Variants in NTRK3 observed in about 807,000 individuals in gnomAD.
The protein encoded by NTRK3 is NT-3 growth factor receptor.
In NTRK3, 24 loss-of-function variants were observed where a neutral mutation model predicts 91.7. That is an observed-to-expected ratio of 0.26 (90% confidence interval 0.19 to 0.37). The LOEUF is 0.37. NTRK3 is among the 10% of genes least tolerant of loss of function. The pLI is 1.00. For synonymous variants in NTRK3, 483 were observed against 404.0 expected (o/e 1.20, Z -2.34); for missense variants, 880 against 1,068.9 (o/e 0.82, Z 2.46).
intron 17 of NTRK3, among the ~76,000 whole-genome samples, chr15:87,911,177 A>G (rs999016707): frequency 6.6e-6 from 1 of 152,198 alleles, no homozygotes; most frequent in Non-Finnish European, 1.5e-5. Flanking sequence ...GTATTGAGGT[A>G]TGAGCGAAGT....
chr15:87,916,324 G>A (rs1357499288), intron 17 of NTRK3: 3 of 404,840 alleles, frequency 7.4e-6, no homozygotes, highest in South Asian at 7.5e-5. Context: ...AAAAAAAAAG[G>A]CCTTTTGCAC....
chr15:88,180,813 T>C (rs1172683650), intron 5 of NTRK3, among the ~76,000 whole-genome samples: 5 of 152,122 alleles, frequency 3.3e-5, no homozygotes, highest in Non-Finnish European at 7.4e-5. Context: ...TAGAAGATGT[T>C]GTGAGACAGC....
At chr15:88,107,755 G>A (rs1423809726) in intron 13 of NTRK3, among the ~76,000 whole-genome samples, 1 of 152,058 alleles carries the variant, frequency 6.6e-6, no homozygotes, top group East Asian at 1.9e-4. Context: ...GCAGGGAATA[G>A]CAACATAAAA....
intron 13 of NTRK3, among the ~76,000 whole-genome samples, chr15:88,042,553 A>T (rs1449154148): frequency 6.6e-6 from 1 of 152,218 alleles, no homozygotes; most frequent in Admixed American, 6.5e-5. Flanking sequence ...CCAAAAGATA[A>T]GCTTTATTCT....
At chr15:88,097,839 C>T (rs753764831) in intron 13 of NTRK3, among the ~76,000 whole-genome samples, 2 of 152,138 alleles carry the variant, frequency 1.3e-5, no homozygotes, top group African/African-American at 2.4e-5. Flanking sequence ...AGGAAAGGTG[C>T]CAAGATGTAA....
chr15:88,169,132 G>GT (rs2045273876), intron 5 of NTRK3, among the ~76,000 whole-genome samples: 1 of 152,158 alleles, frequency 6.6e-6, no homozygotes, highest in South Asian at 2.1e-4. Flanking sequence ...TGCTGGAACT[G>GT]GTCTTGAGGC....
intron 14 of NTRK3, among the ~76,000 whole-genome samples, chr15:87,941,472 T>TACAC (rs10544243): frequency 0.12 from 18,136 of 148,892 alleles, 1,276 homozygotes; most frequent in South Asian, 0.21. Flanking sequence ...CACATACACA[T>TACAC]ACACACACAC....
Position 88,217,433 on chromosome 15 carries a change from A to C in NTRK3, c.249-33134T>G, listed in dbSNP as rs116866174. ...CTATCCAGCCTTAGAAAGGAAGAAA[A>C]TTCTGACAAACTCTACAGTAGAGAT... On this transcript the variant is annotated intron_variant, in intron 3 of 18. Transcript: ENST00000394480. Among the ~76,000 whole-genome samples, 689 of 152,344 alleles carry C rather than the reference A, an allele frequency of 4.5e-3. 3 individuals are homozygous for C. Among genetic ancestry groups the C allele is most frequent in the Admixed American group, 7.1e-3 (108 of 15,298 alleles).
chr15:88,057,399 G>A (rs544398923), intron 13 of NTRK3, among the ~76,000 whole-genome samples: 3 of 151,992 alleles, frequency 2.0e-5, no homozygotes, highest in Admixed American at 6.5e-5. Context: ...TCAGGAGGCT[G>A]AGGTGGGAGA....
chr15:87,958,465 C>T (rs2071902311), intron 14 of NTRK3, among the ~76,000 whole-genome samples: 1 of 152,032 alleles, frequency 6.6e-6, no homozygotes, highest in Non-Finnish European at 1.5e-5. Context: ...AGTGGTCTTT[C>T]ACGTGTAACA....
At chr15:88,033,423 G>A (rs1206222663) in intron 13 of NTRK3, among the ~76,000 whole-genome samples, 1 of 151,220 alleles carries the variant, frequency 6.6e-6, no homozygotes, top group Non-Finnish European at 1.5e-5. Flanking sequence ...CGATTCTCAT[G>A]CCTCAGCCTC....
intron 3 of NTRK3, among the ~76,000 whole-genome samples, chr15:88,245,934 C>T (rs183828342): frequency 3.8e-4 from 58 of 152,290 alleles, no homozygotes; most frequent in African/African-American, 1.3e-3. Flanking sequence ...TTCTTTCCTT[C>T]TCTTCAGTGG....
At chr15:88,218,141 TA>T in intron 3 of NTRK3, among the ~76,000 whole-genome samples, 1 of 152,198 alleles carries the variant, frequency 6.6e-6, no homozygotes, top group East Asian at 1.9e-4. Flanking sequence ...AAACCATTTC[TA>T]GTCTAGCCTG....
exon 19 of NTRK3, chr15:87,865,065 C>T (rs2064627842): frequency 1.4e-5 from 3 of 214,190 alleles, no homozygotes; most frequent in Non-Finnish European, 2.8e-5. Flanking sequence ...CTGTATGAGG[C>T]AAAAGTTAAA....
At chr15:87,860,021 T>C (rs1273662316) in exon 19 of NTRK3, 1 of 198,108 alleles carries the variant, frequency 5.0e-6, no homozygotes, top group Admixed American at 6.0e-5. Context: ...TACATATATA[T>C]GTATAAAATG....
chr15:88,141,810 G>A (rs1256772569), intron 6 of NTRK3, among the ~76,000 whole-genome samples: 1 of 152,196 alleles, frequency 6.6e-6, no homozygotes, highest in Non-Finnish European at 1.5e-5. Flanking sequence ...GATGTGCCAA[G>A]GATGCTGCCA....
chr15:88,190,112 C>T (rs966702921), intron 3 of NTRK3, among the ~76,000 whole-genome samples: 4 of 152,114 alleles, frequency 2.6e-5, no homozygotes, highest in Non-Finnish European at 5.9e-5. Flanking sequence ...GAACATCCTT[C>T]CTTTCTCGAC....
intron 17 of NTRK3, among the ~76,000 whole-genome samples, chr15:87,900,452 C>G (rs896855282): frequency 6.6e-6 from 1 of 152,172 alleles, no homozygotes; most frequent in South Asian, 2.1e-4. Flanking sequence ...GGGTTCTTGT[C>G]CCAGTTCTAC....
At chr15:88,025,878 G>T (rs1429198215) in intron 14 of NTRK3, among the ~76,000 whole-genome samples, 1 of 152,212 alleles carries the variant, frequency 6.6e-6, no homozygotes, top group Non-Finnish European at 1.5e-5. Context: ...AGAATCGCTT[G>T]AACCCGAGAG....
Sources: allele counts gnomAD v4.1 joint callset (sites outside exome capture counted in the v4.1 genomes callset), GRCh38; gene constraint gnomAD v4.1.1; transcripts MANE v1.5; gene names NCBI Gene and HGNC (gene_info 2026-07-23, HGNC 2026-07-21).